The following SNX2 variants were observed in gnomAD, a reference collection of about 807,000 sequenced individuals.
The protein encoded by SNX2 is sorting nexin 2.
SNX2 carries 25 observed loss-of-function variants against 69.9 expected under a neutral mutation model. The ratio of observed to expected loss-of-function variants is 0.36; its 90% CI spans 0.26 to 0.50. SNX2 has a LOEUF of 0.50. Among genes scored for constraint, SNX2 ranks in the 20% least tolerant of loss-of-function variants. The pLI, the probability that SNX2 is intolerant of heterozygous loss-of-function variation, is 0.97. For synonymous variants in SNX2, 229 were observed against 200.4 expected, an observed-to-expected ratio of 1.14 and a Z score of -1.20; for missense variants, 551 against 613.3, an observed-to-expected ratio of 0.90 and a Z score of 1.07.
chr5:122,774,998 G>C, upstream of SNX2: 4 of 1,158,772 alleles, frequency 3.5e-6, no homozygotes, highest in Non-Finnish European at 4.5e-6. Context: ...GCCTTGAGAG[G>C]CCGGCCGGGG....
At chr5:122,806,101 T>TGTGTGTGTGC (rs1274217042) in intron 6 of SNX2, among the ~76,000 whole-genome samples, 2 of 110,070 alleles carry the variant, frequency 1.8e-5, no homozygotes, top group Admixed American at 2.1e-4. Flanking sequence ...TTTATGTGTG[T>TGTGTGTGTGC]GTGTGTGTGT....
intron 12 of SNX2, among the ~76,000 whole-genome samples, chr5:122,827,154 AT>A (rs1424252541): frequency 6.6e-6 from 1 of 152,124 alleles, no homozygotes; most frequent in Non-Finnish European, 1.5e-5. Context: ...CAGTATTGAA[AT>A]ATCTTAATAT....
At chr5:122,796,855 A>C (rs1478411902) in intron 2 of SNX2, among the ~76,000 whole-genome samples, 1 of 152,028 alleles carries the variant, frequency 6.6e-6, no homozygotes, top group Non-Finnish European at 1.5e-5. Flanking sequence ...TCTTAACAGT[A>C]TGCACAGCTG....
At chr5:122,821,441 A>C (rs1368747826) in intron 11 of SNX2, among the ~76,000 whole-genome samples, 1 of 150,394 alleles carries the variant, frequency 6.6e-6, no homozygotes, top group Non-Finnish European at 1.5e-5. Flanking sequence ...CTCCCTATCA[A>C]CATAAGTAGA....
At chr5:122,809,938 AT>A (rs1333675302) in intron 7 of SNX2, among the ~76,000 whole-genome samples, 1 of 152,178 alleles carries the variant, frequency 6.6e-6, no homozygotes, top group Non-Finnish European at 1.5e-5. Context: ...ATTTGAATTG[AT>A]TTTATTGTAG....
At chr5:122,780,341 C>T (rs994492539) in intron 1 of SNX2, among the ~76,000 whole-genome samples, 7 of 152,024 alleles carry the variant, frequency 4.6e-5, no homozygotes. Context: ...GCACAAGGTA[C>T]AGAAACAGGT....
At chr5:122,784,180 G>C (rs1221730110) in intron 1 of SNX2, among the ~76,000 whole-genome samples, 1 of 150,874 alleles carries the variant, frequency 6.6e-6, no homozygotes, top group Non-Finnish European at 1.5e-5. Context: ...TTTGTGATTG[G>C]AGTTTTATTT....
chr5:122,780,945 A>G (rs1259953465), intron 1 of SNX2, among the ~76,000 whole-genome samples: 1 of 152,144 alleles, frequency 6.6e-6, no homozygotes, highest in Non-Finnish European at 1.5e-5. Flanking sequence ...TTCATTACGA[A>G]TTATCTATGT....
chr5:122,826,670 C>G, intron 12 of SNX2: 1 of 971,192 alleles, frequency 1.0e-6, no homozygotes, highest in Non-Finnish European at 1.2e-6. Flanking sequence ...CTTTATGTTA[C>G]TAAAAATAAA....
At chr5:122,801,692 T>G (rs904205103) in intron 3 of SNX2, among the ~76,000 whole-genome samples, 177 bp from the exon 4 acceptor site, 3 of 150,748 alleles carry the variant, frequency 2.0e-5, no homozygotes, top group Admixed American at 1.3e-4. Context: ...TGTGTGTGTT[T>G]TATTTATAAA....
rs565735956 is a variant in SNX2 at position 122,832,160 on chromosome 5, C to G, written c.*2512C>G. 6.6e-6 allele frequency among the ~76,000 whole-genome samples: 1 copy of G among 151,194 alleles called. No homozygotes were observed. Among genetic ancestry groups the G allele is most frequent in the South Asian group, 2.1e-4 (1 of 4,826 alleles). ...TGAGATCAAAAGTTAAAGACCAAGG[C>G]AGCAAAATATTGTGAAACAAGCTGA... On this transcript the variant is annotated 3_prime_UTR_variant, in exon 15 of 15. Coordinates refer to ENST00000379516, the MANE Select transcript of SNX2 (RefSeq NM_003100.4).
intron 8 of SNX2, 70 bp from the exon 9 acceptor site, chr5:122,816,845 A>C: frequency 1.3e-6 from 1 of 763,066 alleles, no homozygotes; most frequent in South Asian, 1.6e-5. Context: ...AGGGGGGATC[A>C]CTTTTGTGCC....
intron 1 of SNX2, among the ~76,000 whole-genome samples, chr5:122,788,432 C>G (rs531993525): frequency 1.5e-4 from 23 of 152,190 alleles, no homozygotes; most frequent in Non-Finnish European, 2.8e-4. Context: ...TCACCAAATT[C>G]TGGAAATTTC....
At position 122,819,226 on chromosome 5, in the gene SNX2, T is replaced by TA. The variant is rs1158561550; in HGVS notation, c.1212+205dup. On this transcript the variant is annotated intron_variant, in intron 11 of 14. Transcript: ENST00000379516. ...ATAGAATTAATGTTTTTAACAGGTC[T>TA]AAGGAATGACAGATAAGATAGAAAA... is the stretch of plus-strand genomic sequence containing the variant. Among the ~76,000 whole-genome samples the TA allele has an allele frequency of 3.3e-5, 5 of 152,326 alleles. No homozygotes were observed. In the East Asian group the frequency reaches 7.7e-4, roughly 23 times the overall value.
At chr5:122,808,528 A>G in intron 7 of SNX2, 173 bp downstream of exon 7, 1 of 514,074 alleles carries the variant, frequency 1.9e-6, no homozygotes, top group Non-Finnish European at 3.4e-6. Context: ...TCAACAAAGT[A>G]CTGTATAATT....
At chr5:122,826,337 A>T (rs976171048) in intron 12 of SNX2, 144 bp downstream of exon 12, 2 of 671,092 alleles carry the variant, frequency 3.0e-6, no homozygotes, top group Admixed American at 3.4e-5. Flanking sequence ...TTACTTTAAC[A>T]TTTTGATCAT....
At chr5:122,793,192 G>A (rs1173990371) in intron 1 of SNX2, among the ~76,000 whole-genome samples, 3 of 152,134 alleles carry the variant, frequency 2.0e-5, no homozygotes, top group Admixed American at 6.5e-5. Flanking sequence ...ACTATTGATA[G>A]TATTAATAGT....
At position 122,834,224 on chromosome 5, in the gene SNX2, A is replaced by T. The variant is rs1360541765; in HGVS notation, c.*4576A>T. The T allele has an allele frequency of 3.9e-5, 6 of 152,232 alleles. No individual in the cohort carries two copies. The East Asian group carries it at 1.2e-3, about 29-fold the overall frequency. The allele number at this position is 152,232 out of a possible 1,614,324, so 9.4% of individuals were successfully genotyped here. A position where few individuals can be genotyped will look rare whatever the true frequency, so the allele number is the denominator to read the frequency against. On this transcript the variant is annotated 3_prime_UTR_variant, in exon 15 of 15. Transcript: ENST00000379516. ...AACTGTTGCTTCAGACGCTGATAAG[A>T]TTGTAGAAGATAGGGAAGCTGTAGT...
At position 122,833,210 on chromosome 5, in the gene SNX2, T is replaced by C. The variant is rs1754332337; in HGVS notation, c.*3562T>C. 6.6e-6 allele frequency: 1 copy of C among 152,098 alleles called. No homozygotes were observed. The highest frequency in any genetic ancestry group is 6.5e-5 in the Admixed American group (1 of 15,268). 9.4% of individuals were successfully genotyped at this position (152,098 alleles called of 1,614,324 possible). ...ATTTGGTTTCATGTAACAATGAAAG[T>C]AGATAATGGGTCAGACATGGAAATA... On this transcript the variant is annotated 3_prime_UTR_variant, in exon 15 of 15. Coordinates refer to ENST00000379516, the MANE Select transcript of SNX2 (RefSeq NM_003100.4).
Sources: allele counts gnomAD v4.1 joint callset (sites outside exome capture counted in the v4.1 genomes callset), GRCh38; gene constraint gnomAD v4.1.1; transcripts MANE v1.5; gene names NCBI Gene and HGNC (gene_info 2026-07-23, HGNC 2026-07-21).